Variants in PTPRD observed in about 807,000 individuals in gnomAD.
PTPRD encodes receptor-type tyrosine-protein phosphatase delta.
A neutral mutation model predicts 214.5 loss-of-function variants in PTPRD; 34 were observed. The observed-to-expected ratio is 0.16, with a 90% CI of 0.12 to 0.21. The LOEUF is 0.21. Among genes scored for constraint, PTPRD ranks in the 10% least tolerant of loss-of-function variants. PTPRD has a pLI of 1.00. For missense variants in PTPRD, 2,545 were observed against 2,398.7 expected (o/e 1.06, Z -1.27); for synonymous variants, 1,128 against 845.7 (o/e 1.33, Z -5.79).
intron 9 of PTPRD, among the ~76,000 whole-genome samples, chr9:9,327,363 C>T (rs2040383219): frequency 6.6e-6 from 1 of 152,120 alleles, no homozygotes; most frequent in African/African-American, 2.4e-5. Context: ...GTGTCTAAAA[C>T]AACCGAAATG....
chr9:10,171,284 G>A (rs138245402), intron 3 of PTPRD, among the ~76,000 whole-genome samples: 3 of 152,014 alleles, frequency 2.0e-5, no homozygotes, highest in African/African-American at 7.3e-5. Flanking sequence ...GGAGGGACCT[G>A]GTGGAGACAA....
rs139145772 is a variant in PTPRD at position 8,455,915 on chromosome 9, G to A, written c.3875+4496C>T. On this transcript the variant is annotated intron_variant, in intron 33 of 45. Coordinates refer to ENST00000381196, the MANE Select transcript of PTPRD (RefSeq NM_002839.4). ...TCATATGCACAAATTCATAGTTCCA[G>A]ATAAAGGTCAGCCTCACCATACACC... 1.3e-4 allele frequency among the ~76,000 whole-genome samples: 20 copies of A among 152,224 alleles called. No homozygotes were observed. The East Asian group carries it at 3.9e-3, about 29-fold the overall frequency.
At position 8,854,426 on chromosome 9, in the gene PTPRD, C is replaced by A. The variant is rs551042817; in HGVS notation, c.-103-120480G>T. On this transcript the variant is annotated intron_variant, in intron 11 of 45. Coordinates refer to ENST00000381196, the MANE Select transcript of PTPRD (RefSeq NM_002839.4). ...TCATATGTGATTGTGTTAATGAATTCTTAATTATGCATAGAATCCTTTTAA... is the reference window on the plus strand; with the variant it reads ...TCATATGTGATTGTGTTAATGAATTATTAATTATGCATAGAATCCTTTTAA... Among the ~76,000 whole-genome samples the A allele has an allele frequency of 4.6e-5, 7 of 152,250 alleles. No individual in the cohort carries two copies. In the East Asian group the frequency reaches 1.4e-3, roughly 29 times the overall value.
At chr9:9,631,479 G>T (rs2095592583) in intron 7 of PTPRD, among the ~76,000 whole-genome samples, 1 of 152,256 alleles carries the variant, frequency 6.6e-6, no homozygotes, top group East Asian at 1.9e-4. Context: ...TTGGTTCACT[G>T]AGTTTTTGAA....
chr9:9,344,292 A>T (rs1358675706), intron 9 of PTPRD, among the ~76,000 whole-genome samples: 1 of 151,930 alleles, frequency 6.6e-6, no homozygotes, highest in Non-Finnish European at 1.5e-5. Context: ...ACACATGGAC[A>T]CAGGGAGGGG....
intron 21 of PTPRD, among the ~76,000 whole-genome samples, chr9:8,514,293 G>A (rs2097742296): frequency 6.6e-6 from 1 of 152,096 alleles, no homozygotes; most frequent in Admixed American, 6.6e-5. Context: ...AATTGTCTAA[G>A]ATTCACATTT....
intron 35 of PTPRD, among the ~76,000 whole-genome samples, chr9:8,427,318 C>T (rs1037648731): frequency 4.6e-5 from 7 of 152,102 alleles, no homozygotes; most frequent in African/African-American, 1.7e-4. Flanking sequence ...GTGGGGATGT[C>T]GACTGGAAAA....
intron 9 of PTPRD, among the ~76,000 whole-genome samples, chr9:9,376,655 T>C (rs559731307): frequency 6.6e-6 from 1 of 152,150 alleles, no homozygotes; most frequent in South Asian, 2.1e-4. Flanking sequence ...TGAAAATGAA[T>C]CCAGTCTTAA....
At chr9:8,490,964 TCA>T (rs1390607051) in intron 27 of PTPRD, among the ~76,000 whole-genome samples, 1 of 152,186 alleles carries the variant, frequency 6.6e-6, no homozygotes, top group Non-Finnish European at 1.5e-5. Context: ...CAGTAATTCT[TCA>T]CAGTCACATA....
intron 11 of PTPRD, among the ~76,000 whole-genome samples, chr9:8,759,880 G>C (rs374286389): frequency 6.6e-6 from 1 of 152,112 alleles, no homozygotes; most frequent in African/African-American, 2.4e-5. Context: ...TCCTGGACTC[G>C]TGTTTGTTTG....
intron 3 of PTPRD, among the ~76,000 whole-genome samples, chr9:10,100,771 A>T (rs1311413541): frequency 6.6e-6 from 1 of 151,644 alleles, no homozygotes; most frequent in Non-Finnish European, 1.5e-5. Context: ...GCATTGTCTT[A>T]CTTTACCTAT....
chr9:9,266,564 G>A (rs189100048), intron 9 of PTPRD, among the ~76,000 whole-genome samples: 1,806 of 150,694 alleles, frequency 0.012, 24 homozygotes, highest in Middle Eastern at 0.02. Flanking sequence ...ACTGACCACC[G>A]TGATATGAAA....
intron 9 of PTPRD, among the ~76,000 whole-genome samples, chr9:9,323,629 A>C (rs1313789951): frequency 6.6e-6 from 1 of 152,072 alleles, no homozygotes; most frequent in Non-Finnish European, 1.5e-5. Context: ...CTTTACTTCC[A>C]CTCATAATAG....
intron 3 of PTPRD, among the ~76,000 whole-genome samples, chr9:10,139,935 C>G (rs1416334253): frequency 6.6e-6 from 1 of 152,044 alleles, no homozygotes; most frequent in Non-Finnish European, 1.5e-5. Flanking sequence ...ATACAAAATT[C>G]TAGAAGAAAA....
At chr9:9,967,038 G>T (rs2094754008) in intron 4 of PTPRD, among the ~76,000 whole-genome samples, 1 of 152,122 alleles carries the variant, frequency 6.6e-6, no homozygotes, top group African/African-American at 2.4e-5. Flanking sequence ...GACAGGATCT[G>T]ACCTTAGGCA....
chr9:9,531,459 T>C (rs988469279), intron 8 of PTPRD, among the ~76,000 whole-genome samples: 1 of 152,184 alleles, frequency 6.6e-6, no homozygotes, highest in African/African-American at 2.4e-5. Flanking sequence ...ATGATATGAT[T>C]CAGTGTGATT....
chr9:9,546,355 T>G (rs758831795), intron 8 of PTPRD, among the ~76,000 whole-genome samples: 3 of 151,816 alleles, frequency 2.0e-5, no homozygotes, highest in Non-Finnish European at 2.9e-5. Context: ...AAGCTAGAAC[T>G]TATGCAATTT....
chr9:9,145,476 A>G (rs1238031407), intron 10 of PTPRD, among the ~76,000 whole-genome samples: 1 of 152,124 alleles, frequency 6.6e-6, no homozygotes, highest in African/African-American at 2.4e-5. Flanking sequence ...TTATTAGTCA[A>G]GAATACCTGG....
rs544240482 is a variant in PTPRD, at chr9:10,134,016, G to C, written c.-544-100226C>G. ...ATGTAAAATGGGAATATTTTGTTGA[G>C]GGAGCACAGGTTGGGCAGTCTCCAC... On this transcript the variant is annotated intron_variant, in intron 3 of 45. Transcript: ENST00000381196. 3.3e-5 allele frequency among the ~76,000 whole-genome samples: 5 copies of C among 152,198 alleles called. No homozygotes were observed. The South Asian group carries it at 1.0e-3, about 32-fold the overall frequency.
Sources: allele counts gnomAD v4.1 joint callset (sites outside exome capture counted in the v4.1 genomes callset), GRCh38; gene constraint gnomAD v4.1.1; transcripts MANE v1.5; gene names NCBI Gene and HGNC (gene_info 2026-07-23, HGNC 2026-07-21).